The following FGF12 variants were observed in gnomAD, a reference collection of about 807,000 sequenced individuals.
FGF12 encodes the protein fibroblast growth factor 12B.
Under a neutral mutation model 23.6 loss-of-function variants are expected in FGF12, and 14 were observed. The observed-to-expected ratio is 0.59, with a 90% CI of 0.39 to 0.93. The LOEUF (loss-of-function observed/expected upper bound fraction) is 0.93, where lower values mean the gene tolerates loss of function less well. Among genes scored for constraint, FGF12 ranks in the 40% least tolerant of loss-of-function variants. FGF12 has a pLI of 0.00. For missense variants in FGF12, 175 were observed against 217.8 expected, an observed-to-expected ratio of 0.80 and a Z score of 1.24; for synonymous variants, 62 against 77.3, an observed-to-expected ratio of 0.80 and a Z score of 1.04.
At chr3:192,665,820 C>G (rs1490508338) in intron 2 of FGF12, among the ~76,000 whole-genome samples, 2 of 152,154 alleles carry the variant, frequency 1.3e-5, no homozygotes, top group Admixed American at 6.5e-5. Context: ...TAAGGTCTCA[C>G]ATGTGGGACC....
chr3:192,694,611 G>A lies in FGF12; in HGVS notation c.13+32570C>T, dbSNP rs540781272. ...CGTACATATATACATATATATGTAC[G>A]TAGAGATGGGGTATATACGTATACG... On this transcript the variant is annotated intron_variant, in intron 2 of 5. Coordinates refer to ENST00000445105, the MANE Select transcript of FGF12 (RefSeq NM_004113.6). 5.3e-5 allele frequency among the ~76,000 whole-genome samples: 8 copies of A among 151,620 alleles called. No homozygotes were observed. The South Asian group carries it at 6.3e-4, about 12-fold the overall frequency.
At chr3:192,509,037 A>T (rs1393247905) in intron 2 of FGF12, among the ~76,000 whole-genome samples, 2 of 151,344 alleles carry the variant, frequency 1.3e-5, no homozygotes, top group African/African-American at 4.9e-5. Context: ...CTGAAACAGA[A>T]CCTAGATACA....
intron 2 of FGF12, among the ~76,000 whole-genome samples, chr3:192,699,285 T>G (rs1718221966): frequency 6.6e-6 from 1 of 152,176 alleles, no homozygotes; most frequent in South Asian, 2.1e-4. Flanking sequence ...TAGTGTTTTC[T>G]GCAACAAGGA....
At chr3:192,542,683 G>A (rs1725400310) in intron 2 of FGF12, among the ~76,000 whole-genome samples, 1 of 151,582 alleles carries the variant, frequency 6.6e-6, no homozygotes, top group East Asian at 1.9e-4. Context: ...TGGGTGTTGT[G>A]CTCTAAGTTT....
intron 2 of FGF12, among the ~76,000 whole-genome samples, chr3:192,435,494 G>A (rs1346935579): frequency 1.3e-5 from 2 of 152,216 alleles, no homozygotes; most frequent in South Asian, 2.1e-4. Flanking sequence ...TGCAAGTTTC[G>A]GGAAGTTGGC....
intron 4 of FGF12, among the ~76,000 whole-genome samples, chr3:192,183,659 A>G (rs1716300874): frequency 6.6e-6 from 1 of 152,254 alleles, no homozygotes; most frequent in African/African-American, 2.4e-5. Flanking sequence ...CATAAAAGGT[A>G]CTAAAAAGAA....
Position 192,408,462 on chromosome 3 carries a change from G to A in FGF12, c.14-47924C>T. The A allele has an allele frequency of 7.4e-7, 1 of 1,355,932 alleles. No homozygotes were observed. Among genetic ancestry groups the A allele is most frequent in the Non-Finnish European group, 9.4e-7 (1 of 1,058,248 alleles). The allele number at this position is 1,355,932 out of a possible 1,614,324, so 84.0% of individuals were successfully genotyped here. A position where few individuals can be genotyped will look rare whatever the true frequency, so the allele number is the denominator to read the frequency against. Reference sequence around the variant, plus strand: ...AACTTCCCCAACCTCTGGCGGCCGGGGGGCGGGGCGGGGCGGTCCCAGGCC... The same window carrying A: ...AACTTCCCCAACCTCTGGCGGCCGGAGGGCGGGGCGGGGCGGTCCCAGGCC... On this transcript the variant is annotated intron_variant, in intron 2 of 5. Transcript: ENST00000445105. The surrounding 1 kb of genome is among the most constrained non-coding windows in gnomAD (Gnocchi z 7.3).
intron 2 of FGF12, among the ~76,000 whole-genome samples, chr3:192,724,913 A>G (rs1719160573): frequency 1.3e-5 from 2 of 152,206 alleles, no homozygotes; most frequent in South Asian, 2.1e-4. Flanking sequence ...TGAACCCTCA[A>G]CTGAGTCACG....
intron 4 of FGF12, among the ~76,000 whole-genome samples, chr3:192,304,817 T>A (rs1022305147): frequency 1.3e-5 from 2 of 152,192 alleles, no homozygotes; most frequent in African/African-American, 4.8e-5. Flanking sequence ...CTTTAGTAGA[T>A]CCCACTTTGA....
chr3:192,649,569 A>G (rs987799144), intron 2 of FGF12, among the ~76,000 whole-genome samples: 1 of 151,858 alleles, frequency 6.6e-6, no homozygotes, highest in Non-Finnish European at 1.5e-5. Context: ...TTTATTTATT[A>G]TTTTTTAATA....
chr3:192,391,179 T>C (rs949827546), intron 2 of FGF12, among the ~76,000 whole-genome samples: 7 of 152,244 alleles, frequency 4.6e-5, no homozygotes, highest in African/African-American at 1.7e-4. Context: ...CTCTTCATTA[T>C]GATAGTTTTC....
intron 2 of FGF12, among the ~76,000 whole-genome samples, chr3:192,434,441 C>T (rs1309742476): frequency 6.6e-6 from 1 of 152,184 alleles, no homozygotes; most frequent in Non-Finnish European, 1.5e-5. Context: ...TGAATGCTGC[C>T]TTCACACTTT....
intron 2 of FGF12, among the ~76,000 whole-genome samples, chr3:192,490,619 A>G (rs1401583119): frequency 6.6e-6 from 1 of 152,134 alleles, no homozygotes; most frequent in African/African-American, 2.4e-5. Context: ...AGAAAACACT[A>G]TTCATAAAAA....
intron 4 of FGF12, among the ~76,000 whole-genome samples, chr3:192,212,364 G>A (rs928974914): frequency 5.3e-5 from 8 of 151,914 alleles, no homozygotes; most frequent in African/African-American, 1.9e-4. Flanking sequence ...CCCATAAAAC[G>A]TCAACTCTGA....
At chr3:192,399,219 G>A (rs1720656504) in intron 2 of FGF12, among the ~76,000 whole-genome samples, 1 of 152,120 alleles carries the variant, frequency 6.6e-6, no homozygotes, top group African/African-American at 2.4e-5. Context: ...GTTAGGAAGT[G>A]GAAGACTTTG....
intron 2 of FGF12, among the ~76,000 whole-genome samples, chr3:192,633,806 C>A (rs1009729173): frequency 6.6e-6 from 1 of 152,164 alleles, no homozygotes; most frequent in Admixed American, 6.5e-5. Context: ...TCATGATACC[C>A]GAACTGGACA....
At chr3:192,643,091 C>T (rs1324840424) in intron 2 of FGF12, among the ~76,000 whole-genome samples, 1 of 152,178 alleles carries the variant, frequency 6.6e-6, no homozygotes, top group East Asian at 1.9e-4. Context: ...ACATAGCTGG[C>T]AGACATGATT....
intron 4 of FGF12, among the ~76,000 whole-genome samples, chr3:192,221,084 C>G (rs1356963546): frequency 6.6e-6 from 1 of 152,158 alleles, no homozygotes; most frequent in Admixed American, 6.5e-5. Context: ...AAGACTGGGT[C>G]TCAGCCAAAC....
At position 192,488,449 on chromosome 3, in the gene FGF12, A is replaced by G. The variant is rs374004684; in HGVS notation, c.14-127911T>C. ...GAGCAAAACTTCTTGGACGGAAAAG[A>G]CATTCATCAGACTCAGCATAAAATG... On this transcript the variant is annotated intron_variant, in intron 2 of 5. Coordinates refer to ENST00000445105, the MANE Select transcript of FGF12 (RefSeq NM_004113.6). Among the ~76,000 whole-genome samples, 4 of 152,208 alleles carry G rather than the reference A, an allele frequency of 2.6e-5. No homozygotes were observed. The South Asian group carries it at 8.3e-4, about 32-fold the overall frequency.
Sources: gnomAD v4.1 joint callset for allele counts (sites outside exome capture counted in the v4.1 genomes callset) on GRCh38, gnomAD v4.1.1 for gene constraint, Gnocchi (gnomAD v3.1) non-coding constraint, MANE v1.5 for transcripts, NCBI Gene and HGNC (gene_info 2026-07-23, HGNC 2026-07-21) for gene names.